The following GPC6 variants were observed in gnomAD, a reference collection of about 807,000 sequenced individuals.
The protein encoded by GPC6 is glypican-6.
In GPC6, 14 loss-of-function variants were observed where a neutral mutation model predicts 55.2. The observed-to-expected ratio is 0.25, with a 90% CI of 0.17 to 0.40. The LOEUF (loss-of-function observed/expected upper bound fraction) is 0.40. GPC6 is among the 10% of genes least tolerant of loss of function. The pLI is 1.00. For synonymous variants in GPC6, 278 were observed against 259.6 expected (o/e 1.07, Z -0.68); for missense variants, 641 against 708.5 (o/e 0.90, Z 1.08).
chr13:93,505,879 G>T (rs1880692917), intron 1 of GPC6, among the ~76,000 whole-genome samples: 1 of 152,182 alleles, frequency 6.6e-6, no homozygotes, highest in South Asian at 2.1e-4. Context: ...AAATTGTAGT[G>T]AATAAGAAGA....
chr13:93,488,951 C>T (rs1028140794), intron 1 of GPC6, among the ~76,000 whole-genome samples: 4 of 151,972 alleles, frequency 2.6e-5, no homozygotes, highest in African/African-American at 9.7e-5. Context: ...GTTTCTTTTG[C>T]TGTGCAGAAG....
At chr13:94,206,696 A>G (rs1245494175) in intron 4 of GPC6, among the ~76,000 whole-genome samples, 1 of 151,980 alleles carries the variant, frequency 6.6e-6, no homozygotes, top group African/African-American at 2.4e-5. Context: ...TCTACAAAAC[A>G]TAGAAATATT....
At chr13:93,946,935 G>C (rs1037300130) in intron 3 of GPC6, among the ~76,000 whole-genome samples, 3 of 152,172 alleles carry the variant, frequency 2.0e-5, no homozygotes, top group African/African-American at 7.2e-5. Context: ...TGGAATGAAA[G>C]GGTCCTGTCT....
At chr13:94,286,240 C>A in intron 4 of GPC6, 109 bp from the exon 5 acceptor site, 3 of 1,105,758 alleles carry the variant, frequency 2.7e-6, no homozygotes, top group Non-Finnish European at 4.0e-6. Context: ...AATTTAAAAA[C>A]GTGAATGCAC....
chr13:93,604,548 T>C (rs905673013), intron 2 of GPC6, among the ~76,000 whole-genome samples: 1 of 152,166 alleles, frequency 6.6e-6, no homozygotes, highest in African/African-American at 2.4e-5. Flanking sequence ...TTAATGCAAA[T>C]ATACAGTGAG....
chr13:93,614,121 A>C (rs888452179), intron 2 of GPC6, among the ~76,000 whole-genome samples: 7 of 152,232 alleles, frequency 4.6e-5, no homozygotes, highest in Admixed American at 3.3e-4. Context: ...ATTAGACAGC[A>C]AATTATCGGA....
At chr13:93,324,590 A>ATC (rs1879579995) in intron 1 of GPC6, among the ~76,000 whole-genome samples, 2 of 101,628 alleles carry the variant, frequency 2.0e-5, no homozygotes, top group Admixed American at 1.9e-4. Flanking sequence ...ATACATACAT[A>ATC]TATATATATA....
intron 1 of GPC6, among the ~76,000 whole-genome samples, chr13:93,406,766 C>G (rs1254792845): frequency 6.6e-6 from 1 of 152,058 alleles, no homozygotes; most frequent in East Asian, 1.9e-4. Flanking sequence ...GTATGCAACT[C>G]CCATGTACCA....
At chr13:93,357,995 T>C (rs74804053) in intron 1 of GPC6, among the ~76,000 whole-genome samples, 4,016 of 152,172 alleles carry the variant, frequency 0.026, 173 homozygotes, top group African/African-American at 0.09. Flanking sequence ...TCATGGGATA[T>C]GGCATAATTG....
intron 4 of GPC6, among the ~76,000 whole-genome samples, chr13:94,222,349 T>C (rs1890409939): frequency 1.3e-5 from 2 of 152,136 alleles, no homozygotes; most frequent in Non-Finnish European, 2.9e-5. Context: ...TCCCAGATTA[T>C]ATCTTGTAGG....
At chr13:93,447,359 CT>C (rs1356771494) in intron 1 of GPC6, among the ~76,000 whole-genome samples, 1 of 151,860 alleles carries the variant, frequency 6.6e-6, no homozygotes, top group Non-Finnish European at 1.5e-5. Context: ...TTATGTTAAC[CT>C]TTTTTTTCTG....
chr13:93,879,357 A>G (rs1185597164), intron 3 of GPC6, among the ~76,000 whole-genome samples: 1 of 152,164 alleles, frequency 6.6e-6, no homozygotes, highest in African/African-American at 2.4e-5. Context: ...TACTGGTACC[A>G]AAACAGAGAT....
intron 2 of GPC6, among the ~76,000 whole-genome samples, chr13:93,722,483 A>G (rs1267254564): frequency 6.6e-6 from 1 of 151,854 alleles, no homozygotes; most frequent in Non-Finnish European, 1.5e-5. Flanking sequence ...AAGTCTTACT[A>G]GTGCCCCCAT....
At chr13:93,295,500 T>C (rs1878463420) in intron 1 of GPC6, among the ~76,000 whole-genome samples, 1 of 151,706 alleles carries the variant, frequency 6.6e-6, no homozygotes, top group African/African-American at 2.4e-5. Flanking sequence ...TTTGTTTGTT[T>C]GTGTGTGTGT....
intron 4 of GPC6, among the ~76,000 whole-genome samples, chr13:94,150,569 T>G (rs1887701804): frequency 6.6e-6 from 1 of 151,994 alleles, no homozygotes; most frequent in Non-Finnish European, 1.5e-5. Flanking sequence ...ATGTCTTTTA[T>G]CCTCTCCACC....
intron 1 of GPC6, among the ~76,000 whole-genome samples, chr13:93,465,472 T>C (rs1361138301): frequency 2.0e-5 from 3 of 152,226 alleles, no homozygotes; most frequent in Non-Finnish European, 4.4e-5. Context: ...TTTTATTTTA[T>C]GGAGAAAGCG....
chr13:93,308,614 G>T (rs955352610), intron 1 of GPC6, among the ~76,000 whole-genome samples: 2 of 152,094 alleles, frequency 1.3e-5, no homozygotes, highest in African/African-American at 4.8e-5. Context: ...GCTAACTTTT[G>T]TATTTTTAGT....
At chr13:93,571,848 C>A (rs1876421163) in intron 2 of GPC6, among the ~76,000 whole-genome samples, 1 of 151,964 alleles carries the variant, frequency 6.6e-6, no homozygotes, top group Non-Finnish European at 1.5e-5. Context: ...TGAACGAGCA[C>A]AATGGTCCAT....
intron 3 of GPC6, among the ~76,000 whole-genome samples, chr13:93,888,769 C>A (rs1191855482): frequency 6.6e-6 from 1 of 152,122 alleles, no homozygotes; most frequent in Non-Finnish European, 1.5e-5. Flanking sequence ...GAGTAAATTA[C>A]TCCTGATGGA....
Sources: gnomAD v4.1 joint callset for allele counts (sites outside exome capture counted in the v4.1 genomes callset) on GRCh38, gnomAD v4.1.1 for gene constraint, MANE v1.5 for transcripts, NCBI Gene and HGNC (gene_info 2026-07-23, HGNC 2026-07-21) for gene names.